The following MAST4 variants were observed in gnomAD, a reference collection of about 807,000 sequenced individuals.
MAST4 encodes microtubule-associated serine/threonine-protein kinase 4.
In MAST4, 89 loss-of-function variants were observed where a neutral mutation model predicts 162.7. That is an observed-to-expected ratio of 0.55 (90% confidence interval 0.46 to 0.65). MAST4 has a LOEUF of 0.65. Ranked by LOEUF, MAST4 falls within the 30% of genes least tolerant of loss-of-function variation. The pLI, the probability that MAST4 is intolerant of heterozygous loss-of-function variation, is 0.00. For synonymous variants in MAST4, 1,479 were observed against 1,361.1 expected (o/e 1.09, Z -1.91); for missense variants, 3,153 against 3,374.0 (o/e 0.93, Z 1.62).
chr5:67,067,936 T>TAC (rs142214584), intron 5 of MAST4, among the ~76,000 whole-genome samples: 1 of 152,034 alleles, frequency 6.6e-6, no homozygotes, highest in African/African-American at 2.4e-5. Flanking sequence ...TACACACACA[T>TAC]ACACACACAC....
intron 4 of MAST4, chr5:67,005,099 G>A (rs916246323): frequency 1.3e-6 from 1 of 747,412 alleles, no homozygotes; most frequent in Non-Finnish European, 2.5e-6. Flanking sequence ...AAAACGCGGG[G>A]ATCTCTGCCT....
intron 3 of MAST4, among the ~76,000 whole-genome samples, chr5:66,893,319 C>T (rs949113266): frequency 2.6e-5 from 4 of 152,126 alleles, no homozygotes; most frequent in African/African-American, 9.7e-5. Context: ...GATTCTCCTG[C>T]CTCAGCCTCC....
intron 2 of MAST4, among the ~76,000 whole-genome samples, chr5:66,772,712 C>T (rs769934606): frequency 7.2e-5 from 11 of 152,162 alleles, no homozygotes; most frequent in Non-Finnish European, 1.0e-4. Context: ...AATGGAAGGA[C>T]GTGAACTGGA....
intron 10 of MAST4, among the ~76,000 whole-genome samples, chr5:67,108,850 A>G (rs1765893977): frequency 6.6e-6 from 1 of 152,240 alleles, no homozygotes; most frequent in Admixed American, 6.5e-5. Context: ...AGCACCTTCA[A>G]GAACGATTGT....
chr5:66,601,139 A>G (rs1742527531), intron 1 of MAST4, among the ~76,000 whole-genome samples: 1 of 152,250 alleles, frequency 6.6e-6, no homozygotes, highest in Admixed American at 6.5e-5. Flanking sequence ...TTGTTGGTTA[A>G]GACATTAATA....
At chr5:66,896,422 G>T (rs541213061) in intron 3 of MAST4, among the ~76,000 whole-genome samples, 39 of 152,194 alleles carry the variant, frequency 2.6e-4, no homozygotes, top group African/African-American at 9.2e-4. Flanking sequence ...TGTTGCTATT[G>T]TTCCCTTTTT....
At chr5:66,950,131 T>C (rs1159459889) in intron 4 of MAST4, among the ~76,000 whole-genome samples, 1 of 152,068 alleles carries the variant, frequency 6.6e-6, no homozygotes, top group Non-Finnish European at 1.5e-5. Flanking sequence ...TCCACCACCT[T>C]AACCACTGTC....
intron 5 of MAST4, among the ~76,000 whole-genome samples, chr5:67,073,159 AC>A (rs1761178984): frequency 6.6e-6 from 1 of 152,114 alleles, no homozygotes; most frequent in Non-Finnish European, 1.5e-5. Flanking sequence ...GAGGCCAAAT[AC>A]CCTAGAAGAA....
chr5:67,030,305 G>A (rs574967292), intron 4 of MAST4, among the ~76,000 whole-genome samples: 27 of 152,200 alleles, frequency 1.8e-4, no homozygotes, highest in Non-Finnish European at 3.7e-4. Flanking sequence ...AGTGTTACAA[G>A]CAATATTTGA....
At chr5:66,671,412 C>T (rs1161164732) in intron 1 of MAST4, among the ~76,000 whole-genome samples, 1 of 152,134 alleles carries the variant, frequency 6.6e-6, no homozygotes, top group African/African-American at 2.4e-5. Flanking sequence ...TAAGTCTGTC[C>T]CTTGGCAGAA....
intron 14 of MAST4, among the ~76,000 whole-genome samples, chr5:67,123,108 A>G (rs558168427): frequency 6.6e-6 from 1 of 152,188 alleles, no homozygotes; most frequent in African/African-American, 2.4e-5. Context: ...GGCTGAACAA[A>G]TGTATCCCGC....
In MAST4 at chr5:67,160,571, A is replaced by C. The variant is rs766947261; in HGVS notation, c.3764A>C (p.Lys1255Thr). 4 of 1,613,554 alleles carry C rather than the reference A, an allele frequency of 2.5e-6. No homozygotes were observed. The highest frequency in any genetic ancestry group is 2.5e-6 in the Non-Finnish European group (3 of 1,179,738). ...SRMVRRSKKS[K>T]KKESLERRRS... is the part of the protein sequence containing the mutation. ...ATGGTGAGGCGGAGCAAGAAATCCA[A>C]GAAGAAAGAAAGTCTCGAAAGGTTA... Residue 1255 changes from lysine (K) to threonine (T), a missense_variant, in exon 27 of 29, where the codon AAG (lysine) becomes ACG (threonine). Lys to Thr is a moderately conservative substitution (Grantham distance 78, BLOSUM62 -1). This residue lies in a region of MAST4 where 619 missense variants were observed against 744.2 expected (regional missense o/e 0.83). Transcript: ENST00000403625.
chr5:66,658,316 G>A (rs1580123895), intron 1 of MAST4, among the ~76,000 whole-genome samples: 1 of 152,272 alleles, frequency 6.6e-6, no homozygotes, highest in Non-Finnish European at 1.5e-5. Context: ...GGACTAAAAA[G>A]GAATGCAGTT....
intron 2 of MAST4, among the ~76,000 whole-genome samples, chr5:66,760,342 T>C (rs768598953): frequency 1.5e-4 from 23 of 152,002 alleles, no homozygotes; most frequent in Non-Finnish European, 3.1e-4. Context: ...TCGTGATCTC[T>C]TGACCTCGTG....
At chr5:66,750,947 C>G (rs1233218445) in intron 1 of MAST4, among the ~76,000 whole-genome samples, 5 of 152,246 alleles carry the variant, frequency 3.3e-5, no homozygotes, top group Non-Finnish European at 5.9e-5. Context: ...AGCTGGAGAT[C>G]TGAGAACAGG....
At chr5:66,730,565 G>C (rs896250350) in intron 1 of MAST4, among the ~76,000 whole-genome samples, 1 of 152,158 alleles carries the variant, frequency 6.6e-6, no homozygotes, top group Non-Finnish European at 1.5e-5. Context: ...TGCTGATGAC[G>C]GATTGCCGAT....
chr5:66,658,723 G>A (rs1263245208), intron 1 of MAST4, among the ~76,000 whole-genome samples: 2 of 152,174 alleles, frequency 1.3e-5, no homozygotes, highest in Non-Finnish European at 2.9e-5. Context: ...GTTTAGGGAT[G>A]CAGCAACAAA....
At chr5:66,835,834 C>T (rs1336772752) in intron 3 of MAST4, among the ~76,000 whole-genome samples, 1 of 152,226 alleles carries the variant, frequency 6.6e-6, no homozygotes, top group East Asian at 1.9e-4. Flanking sequence ...GATTCAGAGT[C>T]GTCAAGAAAC....
At chr5:67,099,166 GATTTT>G (rs200098084) in intron 7 of MAST4, among the ~76,000 whole-genome samples, 1,826 of 151,688 alleles carry the variant, frequency 0.012, 14 homozygotes, top group Non-Finnish European at 0.018. Flanking sequence ...TGCTTGCATT[GATTTT>G]ATTTTATTTT....
Sources: allele counts gnomAD v4.1 joint callset (sites outside exome capture counted in the v4.1 genomes callset), GRCh38; gene constraint gnomAD v4.1.1; regional missense constraint gnomAD v4.1.1; transcripts MANE v1.5; gene names NCBI Gene and HGNC (gene_info 2026-07-23, HGNC 2026-07-21).